Variants in CEACAM3 observed in about 807,000 individuals in gnomAD.
CEACAM3 encodes the protein CEA cell adhesion molecule 3.
CEACAM3 carries 32 observed loss-of-function variants against 30.1 expected under a neutral mutation model. That is an observed-to-expected ratio of 1.06 (90% CI 0.80 to 1.43). CEACAM3 has a LOEUF of 1.43. Ranked by LOEUF, CEACAM3 falls within the 40% of genes most tolerant of loss-of-function variation. CEACAM3 has a pLI of 0.00. For missense variants in CEACAM3, 290 were observed against 316.3 expected, an observed-to-expected ratio of 0.92 and a Z score of 0.63; for synonymous variants, 134 against 127.2, an observed-to-expected ratio of 1.05 and a Z score of -0.36.
intron 4 of CEACAM3, 100 bp downstream of exon 4, chr19:41,810,117 CG>C: frequency 2.2e-6 from 3 of 1,371,134 alleles, no homozygotes; most frequent in Non-Finnish European, 3.1e-6. Context: ...GATCCTTTCC[CG>C]GGGGCTGCAA....
At position 41,808,918 on chromosome 19, in the gene CEACAM3, C is replaced by A. The variant is rs1555827223; in HGVS notation, c.530C>A (p.Ala177Asp). The stretch of plus-strand genomic sequence containing the variant: ...GCGCTGGTGTGTTTCCTGCTCCTTG[C>A]CAAAACTGGAAGGTACCACAGCTTT... The part of the protein sequence containing the change: ...VAALVCFLLL[A>D]KTGRTSIQRD... Residue 177 changes from alanine (A) to aspartate (D), a missense_variant, in exon 3 of 7, where the codon GCC becomes GAC. Coordinates refer to ENST00000357396, the MANE Select transcript of CEACAM3 (RefSeq NM_001815.5). 4 of 1,587,218 alleles carry A rather than the reference C, an allele frequency of 2.5e-6. No homozygotes were observed. Among genetic ancestry groups the A allele is most frequent in the Non-Finnish European group, 3.4e-6 (4 of 1,167,932 alleles).
At chr19:41,799,942 C>T (rs1162305155) in intron 2 of CEACAM3, among the ~76,000 whole-genome samples, 2 of 152,130 alleles carry the variant, frequency 1.3e-5, no homozygotes, top group African/African-American at 4.8e-5. Flanking sequence ...GACTCTGGCA[C>T]AGCTCACCTG....
chr19:41,797,468 A>G, intron 1 of CEACAM3, 121 bp from the exon 2 acceptor site: 1 of 1,316,916 alleles, frequency 7.6e-7, no homozygotes, highest in South Asian at 1.4e-5. Context: ...ACCTTGACCA[A>G]GTGGGACACA....
intron 5 of CEACAM3, 108 bp from the exon 6 acceptor site, chr19:41,810,724 C>A (rs1555827490): frequency 9.4e-7 from 1 of 1,059,498 alleles, no homozygotes; most frequent in Non-Finnish European, 1.5e-6. Context: ...GAGCTGGTCA[C>A]TCCTGAGGGG....
At chr19:41,796,937 T>C (rs2073107291) in intron 1 of CEACAM3, among the ~76,000 whole-genome samples, 196 bp downstream of exon 1, 1 of 152,198 alleles carries the variant, frequency 6.6e-6, no homozygotes, top group East Asian at 1.9e-4. Flanking sequence ...GGAAAATCCA[T>C]TGATCATGTT....
intron 2 of CEACAM3, among the ~76,000 whole-genome samples, chr19:41,806,670 G>A (rs1483075350): frequency 6.6e-6 from 1 of 152,042 alleles, no homozygotes; most frequent in Non-Finnish European, 1.5e-5. Flanking sequence ...TTTTTTGTTT[G>A]TGTGTTTGTT....
At chr19:41,809,866 C>A in intron 3 of CEACAM3, 99 bp from the exon 4 acceptor site, 1 of 1,184,736 alleles carries the variant, frequency 8.4e-7, no homozygotes, top group South Asian at 1.3e-5. Context: ...GTCTCCATGC[C>A]CATCCTTGAA....
chr19:41,804,081 C>CAA (rs560733370), intron 2 of CEACAM3, among the ~76,000 whole-genome samples: 286 of 120,240 alleles, frequency 2.4e-3, no homozygotes, highest in African/African-American at 8.0e-3. Flanking sequence ...AACTCTGCCT[C>CAA]AAAAAAAAAA....
chr19:41,811,070 G>C (rs940394044), intron 6 of CEACAM3, 102 bp from the exon 7 acceptor site: 5 of 1,388,680 alleles, frequency 3.6e-6, no homozygotes, highest in Non-Finnish European at 5.1e-6. Flanking sequence ...GCACAGCCAG[G>C]TTCAGCCCCA....
intron 2 of CEACAM3, among the ~76,000 whole-genome samples, chr19:41,803,129 G>A (rs1467412685): frequency 6.6e-6 from 1 of 152,166 alleles, no homozygotes; most frequent in East Asian, 1.9e-4. Flanking sequence ...ATGTGGCAGG[G>A]ATGTTGAAAT....
At chr19:41,799,864 G>A (rs1555825782) in intron 2 of CEACAM3, among the ~76,000 whole-genome samples, 1 of 152,054 alleles carries the variant, frequency 6.6e-6, no homozygotes, top group Non-Finnish European at 1.5e-5. Flanking sequence ...TCCCTCCAGG[G>A]GCCGGGATCC....
chr19:41,802,037 G>A (rs577166448), intron 2 of CEACAM3, among the ~76,000 whole-genome samples: 2 of 152,296 alleles, frequency 1.3e-5, no homozygotes, highest in Non-Finnish European at 2.9e-5. Context: ...GCCCAGGAAT[G>A]AGCAAGGACA....
chr19:41,811,312 TGAAGCCTGAGCCAGA>T lies in CEACAM3; in HGVS notation c.*79_*93del. The T allele has an allele frequency of 7.7e-7, 1 of 1,296,598 alleles. No individual in the cohort carries two copies. 80.3% of individuals were successfully genotyped at this position (1,296,598 alleles called of 1,614,324 possible). A position where few individuals can be genotyped will look rare whatever the true frequency, so the allele number is the denominator to read the frequency against. On this transcript the variant is annotated 3_prime_UTR_variant, in exon 7 of 7. Transcript: ENST00000357396. ...CCAGCCCTGGGGATGGGGAAGGACA[TGAAGCCTGAGCCAGA>T]GAACCAGCTATAAGTCCTGAGAAGA...
At position 41,810,903 on chromosome 19, in the gene CEACAM3, T is replaced by C. The variant is rs183961347; in HGVS notation, c.693+6T>C. The C allele has an allele frequency of 3.1e-6, 5 of 1,612,908 alleles. No homozygotes were observed. Among genetic ancestry groups the C allele is most frequent in the Admixed American group, 1.7e-5 (1 of 59,762 alleles). On this transcript the variant is annotated splice_donor_region_variant and intron_variant, in intron 6 of 6. Transcript: ENST00000357396. Reference sequence around the variant, plus strand: ...CAGCAGCTTCCATCTATGAGGTGAGTGTGGGCCACGGATGTTCTGGTCCCA... The same window carrying C: ...CAGCAGCTTCCATCTATGAGGTGAGCGTGGGCCACGGATGTTCTGGTCCCA...
chr19:41,801,922 G>T (rs1555826032), intron 2 of CEACAM3, among the ~76,000 whole-genome samples: 5 of 152,160 alleles, frequency 3.3e-5, no homozygotes. Context: ...GTTTACAAAG[G>T]CAATCCCTGA....
intron 2 of CEACAM3, among the ~76,000 whole-genome samples, chr19:41,798,625 T>C (rs1178337651): frequency 6.6e-6 from 1 of 152,084 alleles, no homozygotes; most frequent in Non-Finnish European, 1.5e-5. Context: ...CTTAGATGAC[T>C]CCATGGGAAG....
rs2122987214 is a variant in CEACAM3 at position 41,797,622 on chromosome 19, C to G, written c.98C>G (p.Thr33Ser). The change falls in exon 2 of 7, where the codon ACT (threonine) becomes AGT (serine). Residue 33 changes from threonine (T) to serine (S), a missense_variant. Transcript: ENST00000357396. ...CTAAACTTCTGGAACCCGCCCACCACTGCCAAGCTCACTATTGAATCCATG... is the reference window on the plus strand; with the variant it reads ...CTAAACTTCTGGAACCCGCCCACCAGTGCCAAGCTCACTATTGAATCCATG... ...SLLNFWNPPT[T>S]AKLTIESMPL... 6.2e-7 allele frequency: 1 copy of G among 1,614,088 alleles called. No individual in the cohort carries two copies. Among genetic ancestry groups the G allele is most frequent in the Non-Finnish European group, 8.5e-7 (1 of 1,179,986 alleles).
Position 41,797,470 on chromosome 19 carries a change from T to A in CEACAM3, c.65-119T>A, listed in dbSNP as rs1555825342. The A allele has an allele frequency of 6.8e-6, 9 of 1,329,682 alleles. No individual in the cohort carries two copies. In the South Asian group the frequency reaches 1.1e-4, roughly 17 times the overall value. 82.4% of individuals were successfully genotyped at this position (1,329,682 alleles called of 1,614,324 possible). On this transcript the variant is annotated intron_variant, in intron 1 of 6. Transcript: ENST00000357396. ...GGTCACGTTACTGACCTTGACCAAG[T>A]GGGACACACATACACTCTCCAAGGC... is the stretch of plus-strand genomic sequence containing the variant.
chr19:41,804,244 G>A (rs8113283), intron 2 of CEACAM3, among the ~76,000 whole-genome samples: 75,479 of 152,026 alleles, frequency 0.5, 21,354 homozygotes, highest in Middle Eastern at 0.73. Flanking sequence ...GGCCAGCCCT[G>A]TGCTGTCTGA....
Sources: gnomAD v4.1 joint callset for allele counts (sites outside exome capture counted in the v4.1 genomes callset) on GRCh38, gnomAD v4.1.1 for gene constraint, MANE v1.5 for transcripts, NCBI Gene and HGNC (gene_info 2026-07-23, HGNC 2026-07-21) for gene names.